NKAIN2: variants seen among roughly 807,000 people sequenced by gnomAD.
NKAIN2 encodes the protein sodium/potassium transporting ATPase interacting 2, also known as sodium/potassium-transporting ATPase subunit beta-1-interacting protein 2.
Under a neutral mutation model 32.6 loss-of-function variants are expected in NKAIN2, and 14 were observed. The observed-to-expected ratio is 0.43, with a 90% CI of 0.28 to 0.67. The LOEUF (loss-of-function observed/expected upper bound fraction) is 0.67. Among genes scored for constraint, NKAIN2 ranks in the 30% least tolerant of loss-of-function variants. The pLI is 0.17. For missense variants in NKAIN2, 198 were observed against 258.3 expected (o/e 0.77, Z 1.60); for synonymous variants, 80 against 87.2 (o/e 0.92, Z 0.46).
At position 124,283,105 on chromosome 6, in the gene NKAIN2, T is replaced by G. The variant is rs776486998; in HGVS notation, c.155T>G (p.Phe52Cys). 6.2e-7 allele frequency: 1 copy of G among 1,610,968 alleles called. No homozygotes were observed. Among genetic ancestry groups the G allele is most frequent in the South Asian group, 1.1e-5 (1 of 91,018 alleles). The change falls in exon 2 of 7, where the codon TTT (phenylalanine) becomes TGT (cysteine). Residue 52 changes from phenylalanine to cysteine, a missense_variant. Physicochemically the swap from Phe to Cys is radical, Grantham distance 205 (BLOSUM62 -2). Coordinates refer to ENST00000368417, the MANE Select transcript of NKAIN2 (RefSeq NM_001040214.3). The part of the protein sequence containing the change: ...VHIIIVILGL[F>C]GTIQYRPRYI... ...ATTATTATCGTCATTCTTGGTTTGT[T>G]TGGAACTATTCAATATAGACCTCGT...
chr6:124,194,666 T>G (rs1038369871), intron 1 of NKAIN2, among the ~76,000 whole-genome samples: 3 of 152,186 alleles, frequency 2.0e-5, no homozygotes, highest in African/African-American at 7.2e-5. Context: ...TTTATTGAGA[T>G]TTCCATAGTA....
rs540458529 is a variant in NKAIN2 at position 123,939,337 on chromosome 6, G to A, written c.54+135083G>A. Among the ~76,000 whole-genome samples the A allele has an allele frequency of 3.9e-5, 6 of 151,900 alleles. No homozygotes were observed. The East Asian group carries it at 5.8e-4, about 15-fold the overall frequency. On this transcript the variant is annotated intron_variant, in intron 1 of 6. Coordinates refer to ENST00000368417, the MANE Select transcript of NKAIN2 (RefSeq NM_001040214.3). ...CGCAGGTAAACTAATGCCTTACCCCGCACACTCTTCAAGTTGAGATTTGTA... is the reference window on the plus strand; with the variant it reads ...CGCAGGTAAACTAATGCCTTACCCCACACACTCTTCAAGTTGAGATTTGTA...
At chr6:124,476,325 T>A (rs896662752) in intron 3 of NKAIN2, among the ~76,000 whole-genome samples, 5 of 150,228 alleles carry the variant, frequency 3.3e-5, no homozygotes, top group African/African-American at 9.8e-5. Context: ...TTCAGAAGCG[T>A]CATTACCTCT....
chr6:124,476,288 G>A (rs191588567), intron 3 of NKAIN2, among the ~76,000 whole-genome samples: 1 of 151,788 alleles, frequency 6.6e-6, no homozygotes, highest in Admixed American at 6.6e-5. Context: ...CTGCCTCTTG[G>A]TCAAAGTCTG....
chr6:124,636,323 A>T (rs1325851170), intron 3 of NKAIN2, among the ~76,000 whole-genome samples: 1 of 152,008 alleles, frequency 6.6e-6, no homozygotes. Flanking sequence ...GGCTATCTCA[A>T]AAGAAGAGAA....
chr6:124,080,385 G>C (rs542563948), intron 1 of NKAIN2, among the ~76,000 whole-genome samples: 1 of 152,172 alleles, frequency 6.6e-6, no homozygotes, highest in Admixed American at 6.6e-5. Flanking sequence ...GTGAGTTACA[G>C]TTTTCATTGT....
intron 3 of NKAIN2, among the ~76,000 whole-genome samples, chr6:124,511,232 T>C (rs978464263): frequency 2.0e-5 from 3 of 152,166 alleles, no homozygotes; most frequent in Non-Finnish European, 2.9e-5. Context: ...GCATTTTAGT[T>C]CAGAGATTAT....
At chr6:124,234,455 G>A (rs1792634900) in intron 1 of NKAIN2, among the ~76,000 whole-genome samples, 1 of 152,018 alleles carries the variant, frequency 6.6e-6, no homozygotes, top group Non-Finnish European at 1.5e-5. Flanking sequence ...CTCAATTAGG[G>A]CACATTTTCA....
chr6:124,191,485 TATTA>T (rs1417481089), intron 1 of NKAIN2, among the ~76,000 whole-genome samples: 1 of 152,162 alleles, frequency 6.6e-6, no homozygotes, highest in Admixed American at 6.5e-5. Flanking sequence ...TAATTTTATT[TATTA>T]ATTCTATTTG....
chr6:123,827,023 A>G (rs1774175528), intron 1 of NKAIN2, among the ~76,000 whole-genome samples: 1 of 151,810 alleles, frequency 6.6e-6, no homozygotes, highest in Non-Finnish European at 1.5e-5. Flanking sequence ...GTTTTTTTTG[A>G]TAATAGTCAT....
At chr6:124,430,268 T>C (rs1347384165) in intron 3 of NKAIN2, among the ~76,000 whole-genome samples, 1 of 152,232 alleles carries the variant, frequency 6.6e-6, no homozygotes, top group Admixed American at 6.5e-5. Flanking sequence ...TCTAGAAATA[T>C]GTGGTCATAA....
intron 3 of NKAIN2, among the ~76,000 whole-genome samples, chr6:124,446,424 C>T (rs1294386167): frequency 6.6e-6 from 1 of 152,054 alleles, no homozygotes; most frequent in Non-Finnish European, 1.5e-5. Flanking sequence ...CTCACCACAG[C>T]CTCGAATTCC....
intron 1 of NKAIN2, among the ~76,000 whole-genome samples, chr6:124,272,005 A>G (rs1424424185): frequency 6.6e-6 from 1 of 152,210 alleles, no homozygotes; most frequent in African/African-American, 2.4e-5. Flanking sequence ...ATTCAGTTTT[A>G]TGCAGTCACA....
chr6:124,784,784 C>A (rs777705563), intron 4 of NKAIN2, among the ~76,000 whole-genome samples: 4 of 151,920 alleles, frequency 2.6e-5, no homozygotes, highest in Non-Finnish European at 5.9e-5. Flanking sequence ...ATGGTAGTTG[C>A]GTGTTTAGTT....
chr6:124,421,021 G>A (rs750370083), intron 3 of NKAIN2, among the ~76,000 whole-genome samples: 96 of 144,666 alleles, frequency 6.6e-4, no homozygotes, highest in Non-Finnish European at 1.2e-3. Context: ...TAGCCACGAA[G>A]TAGCTTTTCA....
chr6:124,494,114 C>A (rs979338929), intron 3 of NKAIN2, among the ~76,000 whole-genome samples: 1 of 152,080 alleles, frequency 6.6e-6, no homozygotes, highest in Non-Finnish European at 1.5e-5. Flanking sequence ...ATATCTGTTC[C>A]GCTACCTCTA....
chr6:124,808,663 G>A (rs937532374), intron 5 of NKAIN2, among the ~76,000 whole-genome samples: 1 of 152,130 alleles, frequency 6.6e-6, no homozygotes, highest in Non-Finnish European at 1.5e-5. Flanking sequence ...GAAATAAAGG[G>A]TATTCAATAG....
At chr6:124,044,906 A>G (rs1782047028) in intron 1 of NKAIN2, among the ~76,000 whole-genome samples, 1 of 152,014 alleles carries the variant, frequency 6.6e-6, no homozygotes, top group Non-Finnish European at 1.5e-5. Context: ...AAAGTTTAGG[A>G]GACATAGTCA....
chr6:124,306,062 G>A (rs1021696413), intron 2 of NKAIN2, among the ~76,000 whole-genome samples: 1 of 152,076 alleles, frequency 6.6e-6, no homozygotes, highest in Non-Finnish European at 1.5e-5. Context: ...TTAGTTTATT[G>A]GATGTTTATA....
Sources: gnomAD v4.1 joint callset for allele counts (sites outside exome capture counted in the v4.1 genomes callset) on GRCh38, gnomAD v4.1.1 for gene constraint, MANE v1.5 for transcripts, NCBI Gene and HGNC (gene_info 2026-07-23, HGNC 2026-07-21) for gene names.